The following ARHGAP10 variants were observed in gnomAD, a reference collection of about 807,000 sequenced individuals.
The protein encoded by ARHGAP10 is rho GTPase-activating protein 10.
ARHGAP10 carries 87 observed loss-of-function variants against 108.6 expected under a neutral mutation model. The observed-to-expected ratio is 0.80, with a 90% CI of 0.67 to 0.96. The LOEUF (loss-of-function observed/expected upper bound fraction) is 0.96. ARHGAP10 is among the 40% of genes least tolerant of loss of function. The pLI, the probability that ARHGAP10 is intolerant of heterozygous loss-of-function variation, is 0.00. For missense variants in ARHGAP10, 939 were observed against 954.5 expected (o/e 0.98, Z 0.21); for synonymous variants, 347 against 341.1 (o/e 1.02, Z -0.19).
intron 14 of ARHGAP10, among the ~76,000 whole-genome samples, chr4:147,940,123 A>C (rs961903990): frequency 6.6e-6 from 1 of 152,118 alleles, no homozygotes; most frequent in Admixed American, 6.6e-5. Flanking sequence ...AAAAGAATGC[A>C]CCCCCTGGTT....
chr4:147,878,084 G>A (rs1007221089), intron 8 of ARHGAP10, among the ~76,000 whole-genome samples: 3 of 150,018 alleles, frequency 2.0e-5, no homozygotes, highest in African/African-American at 4.9e-5. Flanking sequence ...TTACAGGCAC[G>A]CACCACCACG....
At chr4:147,912,932 G>T in intron 12 of ARHGAP10, 142 bp from the exon 13 acceptor site, 1 of 747,774 alleles carries the variant, frequency 1.3e-6, no homozygotes, top group South Asian at 1.8e-5. Flanking sequence ...ACAGGTGTGA[G>T]CCAATGTGCC....
At chr4:147,740,720 C>T (rs540639764) in intron 1 of ARHGAP10, among the ~76,000 whole-genome samples, 1 of 152,280 alleles carries the variant, frequency 6.6e-6, no homozygotes, top group South Asian at 2.1e-4. Flanking sequence ...CTTGTCCTAC[C>T]CTTCAGTAGA....
At chr4:147,893,214 A>G (rs1735855862) in intron 10 of ARHGAP10, among the ~76,000 whole-genome samples, 1 of 151,806 alleles carries the variant, frequency 6.6e-6, no homozygotes, top group Admixed American at 6.6e-5. Context: ...GTGAGCCACC[A>G]TGCCCAGCTA....
At chr4:147,962,522 A>G (rs1255805109) in intron 16 of ARHGAP10, among the ~76,000 whole-genome samples, 1 of 152,196 alleles carries the variant, frequency 6.6e-6, no homozygotes, top group African/African-American at 2.4e-5. Context: ...GCTATCAGTT[A>G]GAAGCAACGA....
In ARHGAP10 at chr4:147,836,383, T is replaced by C. The variant is rs78223837; in HGVS notation, c.313-10768T>C. Reference sequence around the variant, plus strand: ...TTCACAGTTCAGGATTGAAAGTTGATAAAATTCTTACTGGGGACATTTTAT... The same window carrying C: ...TTCACAGTTCAGGATTGAAAGTTGACAAAATTCTTACTGGGGACATTTTAT... On this transcript the variant is annotated intron_variant, in intron 3 of 22. Coordinates refer to ENST00000336498, the MANE Select transcript of ARHGAP10 (RefSeq NM_024605.4). Among the ~76,000 whole-genome samples the C allele has an allele frequency of 8.7e-3, 1,326 of 152,354 alleles. 43 individuals are homozygous for C. The East Asian group carries it at 0.12, about 14-fold the overall frequency.
At chr4:147,740,258 A>G (rs1348650280) in intron 1 of ARHGAP10, among the ~76,000 whole-genome samples, 1 of 152,016 alleles carries the variant, frequency 6.6e-6, no homozygotes, top group African/African-American at 2.4e-5. Context: ...GAGTTTCACC[A>G]TGTTGGCCAG....
chr4:147,899,050 G>C (rs17476057), intron 10 of ARHGAP10, among the ~76,000 whole-genome samples: 12,031 of 152,148 alleles, frequency 0.079, 660 homozygotes, highest in Middle Eastern at 0.13. Context: ...AGGTGGATTA[G>C]GACACAGAGT....
intron 13 of ARHGAP10, among the ~76,000 whole-genome samples, chr4:147,936,397 C>T (rs371839161): frequency 7.5e-6 from 1 of 133,688 alleles, no homozygotes; most frequent in Admixed American, 8.9e-5. Context: ...GGCGCAATCT[C>T]GGCTCACTGC....
chr4:147,743,087 G>GC (rs1206842277), intron 1 of ARHGAP10, among the ~76,000 whole-genome samples: 1 of 150,222 alleles, frequency 6.7e-6, no homozygotes, highest in Non-Finnish European at 1.5e-5. Flanking sequence ...AGGCTGCAGT[G>GC]CTGTGGCATG....
At chr4:147,928,580 A>G (rs1171006803) in intron 13 of ARHGAP10, among the ~76,000 whole-genome samples, 1 of 152,238 alleles carries the variant, frequency 6.6e-6, no homozygotes, top group Non-Finnish European at 1.5e-5. Flanking sequence ...GTGGCAAATA[A>G]TAGCTGTCTG....
intron 4 of ARHGAP10, chr4:147,854,664 G>A: frequency 1.0e-6 from 1 of 972,236 alleles, no homozygotes; most frequent in Non-Finnish European, 1.2e-6. Flanking sequence ...TTTGAAATTT[G>A]TATCATTTCA....
At chr4:147,981,131 T>C (rs1739792017) in intron 18 of ARHGAP10, among the ~76,000 whole-genome samples, 1 of 152,216 alleles carries the variant, frequency 6.6e-6, no homozygotes, top group African/African-American at 2.4e-5. Flanking sequence ...CTTGTTTTTC[T>C]GGTTTCTTTA....
intron 7 of ARHGAP10, among the ~76,000 whole-genome samples, chr4:147,871,571 CT>C (rs1460466953): frequency 6.6e-6 from 1 of 152,234 alleles, no homozygotes; most frequent in East Asian, 1.9e-4. Flanking sequence ...CAGCAGTGAT[CT>C]TTTATTGGAA....
At chr4:147,993,543 A>G (rs953358305) in intron 18 of ARHGAP10, among the ~76,000 whole-genome samples, 1 of 152,232 alleles carries the variant, frequency 6.6e-6, no homozygotes, top group African/African-American at 2.4e-5. Flanking sequence ...TGCTTTCTAG[A>G]AGTCCAATAT....
At chr4:147,888,794 T>C (rs1202925108) in intron 10 of ARHGAP10, among the ~76,000 whole-genome samples, 2 of 152,220 alleles carry the variant, frequency 1.3e-5, no homozygotes, top group East Asian at 3.8e-4. Flanking sequence ...GTTAGTCTCA[T>C]GTGGAGCAAA....
At chr4:147,945,570 C>T (rs1305419427) in intron 14 of ARHGAP10, among the ~76,000 whole-genome samples, 1 of 152,102 alleles carries the variant, frequency 6.6e-6, no homozygotes, top group Admixed American at 6.6e-5. Flanking sequence ...TTTTAAGTCT[C>T]TGTGTAGTTA....
intron 18 of ARHGAP10, among the ~76,000 whole-genome samples, chr4:147,989,042 C>T (rs945620401): frequency 3.3e-5 from 5 of 152,106 alleles, no homozygotes; most frequent in East Asian, 1.9e-4. Flanking sequence ...TCCTAAGTGT[C>T]GACTGGCTTG....
At chr4:148,039,574 A>G (rs1225671809) in intron 19 of ARHGAP10, among the ~76,000 whole-genome samples, 1 of 151,718 alleles carries the variant, frequency 6.6e-6, no homozygotes, top group Non-Finnish European at 1.5e-5. Flanking sequence ...TGCTGGGATT[A>G]CAGGTGTGAG....
Sources: gnomAD v4.1 joint callset for allele counts (sites outside exome capture counted in the v4.1 genomes callset) on GRCh38, gnomAD v4.1.1 for gene constraint, MANE v1.5 for transcripts, NCBI Gene and HGNC (gene_info 2026-07-23, HGNC 2026-07-21) for gene names.